Variants in PRDM2 observed in about 807,000 individuals in gnomAD.
PRDM2 encodes PR domain zinc finger protein 2.
A neutral mutation model predicts 130.0 loss-of-function variants in PRDM2; 30 were observed. The observed-to-expected ratio is 0.23, with a 90% CI of 0.17 to 0.31. The LOEUF is 0.31. PRDM2 is among the 10% of genes least tolerant of loss of function. The pLI is 1.00. For missense variants in PRDM2, 2,011 were observed against 2,108.4 expected, an observed-to-expected ratio of 0.95 and a Z score of 0.90; for synonymous variants, 871 against 782.4, an observed-to-expected ratio of 1.11 and a Z score of -1.89.
chr1:13,774,900 G>A (rs1040530142), intron 7 of PRDM2, among the ~76,000 whole-genome samples: 83 of 151,798 alleles, frequency 5.5e-4, no homozygotes, highest in Non-Finnish European at 9.7e-4. Flanking sequence ...CCCAGGAGGC[G>A]GAGCTTGCAG....
chr1:13,751,714 T>C lies in PRDM2; in HGVS notation c.511+2227T>C, dbSNP rs118015423. 1.0e-3 allele frequency among the ~76,000 whole-genome samples: 157 copies of C among 152,276 alleles called. 2 individuals carry two copies. In the East Asian group the frequency reaches 0.025, roughly 25 times the overall value. ...ATAGAGCCGACAGGTAGATTGACAG[T>C]GGGCTTGACTTCATTTTCGTTATGA... On this transcript the variant is annotated intron_variant, in intron 6 of 9. Transcript: ENST00000311066.
At chr1:13,751,078 G>A (rs1400701332) in intron 6 of PRDM2, among the ~76,000 whole-genome samples, 4 of 152,054 alleles carry the variant, frequency 2.6e-5, no homozygotes, top group Admixed American at 6.6e-5. Context: ...ACTTTAGTGT[G>A]CATGTTTAGA....
intron 4 of PRDM2, among the ~76,000 whole-genome samples, chr1:13,741,299 A>G (rs895103503): frequency 2.6e-5 from 4 of 152,194 alleles, no homozygotes; most frequent in Non-Finnish European, 4.4e-5. Flanking sequence ...GACTCCTGGA[A>G]GGGGTTGAGG....
At chr1:13,775,703 T>C (rs1644460876) in intron 7 of PRDM2, among the ~76,000 whole-genome samples, 1 of 152,106 alleles carries the variant, frequency 6.6e-6, no homozygotes, top group Admixed American at 6.5e-5. Flanking sequence ...ATCCACGCAG[T>C]CCCCATGTCC....
chr1:13,749,338 G>C, intron 5 of PRDM2, 23 bp from the exon 6 acceptor site: 2 of 1,459,526 alleles, frequency 1.4e-6, no homozygotes, highest in East Asian at 3.2e-5. Flanking sequence ...TTGGCCCGGC[G>C]CTTGTCTCTT....
rs370122060 is a variant in PRDM2 at position 13,821,795 on chromosome 1, A to G, written c.*24-1364A>G. On this transcript the variant is annotated intron_variant, in intron 9 of 9. Coordinates refer to ENST00000311066, the MANE Select transcript of PRDM2 (RefSeq NM_001393986.1). ...AGTGAACATTATTAAGGATTCACCC[A>G]TGTGCTCAGCTCTGGACTAAGCACT... 1.8e-3 allele frequency among the ~76,000 whole-genome samples: 269 copies of G among 152,238 alleles called. 1 individual carries two copies. The highest frequency in any genetic ancestry group is 6.1e-3 in the African/African-American group (252 of 41,540).
At chr1:13,822,597 G>A (rs1044059303) in intron 9 of PRDM2, among the ~76,000 whole-genome samples, 21 of 152,008 alleles carry the variant, frequency 1.4e-4, no homozygotes, top group East Asian at 9.7e-4. Context: ...GGGTTTCACC[G>A]TAGCCAGGAT....
intron 5 of PRDM2, among the ~76,000 whole-genome samples, chr1:13,745,637 T>G (rs1414542835): frequency 6.6e-6 from 1 of 152,028 alleles, no homozygotes; most frequent in Non-Finnish European, 1.5e-5. Context: ...ATTGGTCAGG[T>G]GGTCTCGAAC....
At position 13,778,669 on chromosome 1, in the gene PRDM2, G is replaced by A. The variant is rs1210529888; in HGVS notation, c.874G>A (p.Glu292Lys). 2.2e-5 allele frequency: 35 copies of A among 1,613,998 alleles called. No individual in the cohort carries two copies. The highest frequency in any genetic ancestry group is 3.3e-5 in the South Asian group (3 of 91,080). Reference sequence around the variant, plus strand: ...TGATGATGATGATGAGTTGGAAGACGAGGGGGAAGAAGAAGCCAGCATGCC... The same window carrying A: ...TGATGATGATGATGAGTTGGAAGACAAGGGGGAAGAAGAAGCCAGCATGCC... ...EDDDDDELED[E>K]GEEEASMPNE... is the part of the protein sequence containing the mutation. Residue 292 changes from glutamate to lysine, a missense_variant, in exon 8 of 10, where the codon GAG becomes AAG. By Grantham distance (56) the Glu-to-Lys change is moderately conservative. Coordinates refer to ENST00000311066, the MANE Select transcript of PRDM2 (RefSeq NM_001393986.1).
At chr1:13,729,373 A>G (rs1224734264) in intron 2 of PRDM2, among the ~76,000 whole-genome samples, 3 of 152,160 alleles carry the variant, frequency 2.0e-5, no homozygotes, top group African/African-American at 7.2e-5. Flanking sequence ...ATCCCCTTTT[A>G]CTTTACTAAA....
chr1:13,748,791 ACGG>A (rs1643696330), intron 5 of PRDM2, among the ~76,000 whole-genome samples: 1 of 152,190 alleles, frequency 6.6e-6, no homozygotes, highest in East Asian at 1.9e-4. Context: ...AGGGCGAGGC[ACGG>A]ACCTCCCTGG....
rs1644639077 is a variant in PRDM2 at position 13,782,554 on chromosome 1, G to C, written c.4759G>C (p.Val1587Leu). The change falls in exon 8 of 10, where the codon GTT (valine) becomes CTT (leucine). Residue 1587 changes from valine to leucine, a missense_variant. Physicochemically the swap from Val to Leu is conservative, Grantham distance 32. Coordinates refer to ENST00000311066, the MANE Select transcript of PRDM2 (RefSeq NM_001393986.1). The stretch of plus-strand genomic sequence containing the variant: ...GATAAGAATGGCCAAAATAACTCAT[G>C]TTGAGGGGAAAAAACCTAAAGCTGT... Reference protein sequence around the residue: ...SPIRMAKITHVEGKKPKAVAK... With the variant: ...SPIRMAKITHLEGKKPKAVAK... 1.2e-6 allele frequency: 2 copies of C among 1,614,148 alleles called. No individual in the cohort carries two copies. The highest frequency in any genetic ancestry group is 1.7e-6 in the Non-Finnish European group (2 of 1,180,032).
chr1:13,819,220 G>C (rs975170310), intron 9 of PRDM2, among the ~76,000 whole-genome samples: 11 of 152,230 alleles, frequency 7.2e-5, no homozygotes, highest in Non-Finnish European at 1.3e-4. Context: ...GGCCATTTCT[G>C]TTGGCCACTG....
chr1:13,758,934 T>C (rs1247914660), intron 6 of PRDM2, among the ~76,000 whole-genome samples: 1 of 152,192 alleles, frequency 6.6e-6, no homozygotes, highest in East Asian at 1.9e-4. Context: ...TATATAAAAA[T>C]AACAGTTTAT....
In PRDM2 at chr1:13,780,920, C is replaced by T; in HGVS notation, c.3125C>T (p.Ser1042Phe). ...ATTCCTCCCGTGGAGCCCCTGATGT[C>T]TGCCGCCTCACCCGGGCCTCCAACA... is the stretch of plus-strand genomic sequence containing the variant. Reference protein sequence around the residue: ...SPIPPVEPLMSAASPGPPTLS... With the variant: ...SPIPPVEPLMFAASPGPPTLS... The change falls in exon 8 of 10, where the codon TCT becomes TTT. Residue 1042 changes from serine (S) to phenylalanine (F), a missense_variant. By Grantham distance (155) the Ser-to-Phe change is radical. This residue lies in a region of PRDM2 where 1,288 missense variants were observed against 1,237.7 expected (regional missense o/e 1.04). Transcript: ENST00000311066. 1 of 1,613,264 alleles carries T rather than the reference C, an allele frequency of 6.2e-7. No individual in the cohort carries two copies. Among genetic ancestry groups the T allele is most frequent in the Non-Finnish European group, 8.5e-7 (1 of 1,179,382 alleles).
chr1:13,708,592 C>T (rs1314558353), intron 1 of PRDM2, among the ~76,000 whole-genome samples: 1 of 152,162 alleles, frequency 6.6e-6, no homozygotes, highest in Non-Finnish European at 1.5e-5. Context: ...GAGTCAGGGC[C>T]TGCGATAGTT....
In PRDM2 at chr1:13,779,563, T is replaced by C; in HGVS notation, c.1768T>C (p.Ser590Pro). Residue 590 changes from serine to proline, a missense_variant, in exon 8 of 10, where the codon TCT becomes CCT. Ser to Pro is a moderately conservative substitution (Grantham distance 74, BLOSUM62 -1). Around this residue, in one of 5 missense-constraint regions of PRDM2, gnomAD observed 1,288 missense variants for 1,237.7 expected, o/e 1.04. Coordinates refer to ENST00000311066, the MANE Select transcript of PRDM2 (RefSeq NM_001393986.1). This position sits in a 1 kb window ranked among gnomAD's most constrained non-coding sequence, Gnocchi z 4.9. ...TAACTGTGATGTGATTGAGATGGAG[T>C]CTGCTTCGGCAGATTTGTATGGTAT... Reference protein sequence around the residue: ...TSNCDVIEMESASADLYGINC... With the variant: ...TSNCDVIEMEPASADLYGINC... 1 of 1,613,992 alleles carries C rather than the reference T, an allele frequency of 6.2e-7. No homozygotes were observed. Among genetic ancestry groups the C allele is most frequent in the Non-Finnish European group, 8.5e-7 (1 of 1,179,968 alleles).
intron 8 of PRDM2, among the ~76,000 whole-genome samples, chr1:13,799,182 G>A (rs924516876): frequency 2.6e-5 from 4 of 152,134 alleles, no homozygotes; most frequent in East Asian, 1.9e-4. Context: ...GGTGGCTCAC[G>A]CCTGTAATCC....
intron 9 of PRDM2, among the ~76,000 whole-genome samples, chr1:13,819,506 A>AT (rs1325631599): frequency 6.6e-6 from 1 of 152,032 alleles, no homozygotes; most frequent in East Asian, 1.9e-4. Flanking sequence ...CTTTTTTTCC[A>AT]TTTTTTAAAT....
Sources: gnomAD v4.1 joint callset for allele counts (sites outside exome capture counted in the v4.1 genomes callset) on GRCh38, gnomAD v4.1.1 for gene constraint, gnomAD v4.1.1 regional missense constraint, Gnocchi (gnomAD v3.1) non-coding constraint, MANE v1.5 for transcripts, NCBI Gene and HGNC (gene_info 2026-07-23, HGNC 2026-07-21) for gene names.